Variants in CADPS observed in about 807,000 individuals in gnomAD.
CADPS encodes calcium-dependent secretion activator 1.
A neutral mutation model predicts 167.3 loss-of-function variants in CADPS; 57 were observed. The ratio of observed to expected loss-of-function variants is 0.34; its 90% CI spans 0.28 to 0.42. The LOEUF (loss-of-function observed/expected upper bound fraction) is 0.42. Among genes scored for constraint, CADPS ranks in the 20% least tolerant of loss-of-function variants. The probability of loss-of-function intolerance (pLI) is 1.00; values close to 1 mark genes in which losing one functional copy is unlikely to be tolerated. For synonymous variants in CADPS, 676 were observed against 635.3 expected (o/e 1.06, Z -0.96); for missense variants, 1,414 against 1,738.1 (o/e 0.81, Z 3.32).
intron 1 of CADPS, among the ~76,000 whole-genome samples, chr3:62,797,714 T>C (rs1334934565): frequency 6.6e-6 from 1 of 151,790 alleles, no homozygotes; most frequent in Admixed American, 6.6e-5. Context: ...AACTAACGGG[T>C]ACTAGGCTTC....
At chr3:62,737,880 C>T (rs1277206418) in intron 3 of CADPS, among the ~76,000 whole-genome samples, 1 of 152,156 alleles carries the variant, frequency 6.6e-6, no homozygotes, top group Non-Finnish European at 1.5e-5. Context: ...ATCTCAAATA[C>T]CACCATTATC....
chr3:62,591,771 CATG>C (rs1308955325), intron 7 of CADPS, among the ~76,000 whole-genome samples: 2 of 152,106 alleles, frequency 1.3e-5, no homozygotes, highest in Non-Finnish European at 2.9e-5. Flanking sequence ...CAGAAATTTT[CATG>C]ATGTTTTGAT....
intron 6 of CADPS, among the ~76,000 whole-genome samples, chr3:62,595,847 G>T (rs1311989243): frequency 2.0e-5 from 3 of 152,034 alleles, no homozygotes; most frequent in Non-Finnish European, 2.9e-5. Context: ...AATCTAAGCA[G>T]CTTCCAGCGA....
At chr3:62,564,129 G>A (rs2079679648) in intron 9 of CADPS, among the ~76,000 whole-genome samples, 1 of 151,986 alleles carries the variant, frequency 6.6e-6, no homozygotes, top group Non-Finnish European at 1.5e-5. Context: ...AGCCTCCCAA[G>A]TAGCTGGGAC....
chr3:62,586,911 G>A (rs760089274), intron 7 of CADPS, among the ~76,000 whole-genome samples: 21 of 152,220 alleles, frequency 1.4e-4, no homozygotes, highest in Non-Finnish European at 2.9e-4. Context: ...GCTAATTGTG[G>A]TGGCTGTGGT....
chr3:62,606,121 C>G (rs1287125739), intron 6 of CADPS, among the ~76,000 whole-genome samples: 1 of 152,166 alleles, frequency 6.6e-6, no homozygotes, highest in Non-Finnish European at 1.5e-5. Context: ...CAATGGGATT[C>G]ACACTCTCCT....
chr3:62,759,120 G>A (rs539935997), intron 2 of CADPS, among the ~76,000 whole-genome samples: 1 of 152,292 alleles, frequency 6.6e-6, no homozygotes, highest in South Asian at 2.1e-4. Context: ...GATGGGCCCT[G>A]GTATTAGAAC....
At chr3:62,732,831 A>T (rs757518335) in intron 3 of CADPS, among the ~76,000 whole-genome samples, 1 of 152,198 alleles carries the variant, frequency 6.6e-6, no homozygotes, top group Non-Finnish European at 1.5e-5. Flanking sequence ...ATACTCTGTC[A>T]GGCAGTCAGA....
chr3:62,475,671 T>C lies in CADPS; in HGVS notation c.3330-1351A>G, dbSNP rs188151397. Among the ~76,000 whole-genome samples, 546 of 145,132 alleles carry C rather than the reference T, an allele frequency of 3.8e-3. 4 individuals carry two copies. The highest frequency in any genetic ancestry group is 0.013 in the African/African-American group (519 of 38,904). ...ATATATTATATGATCATGTTAAAGA[T>C]AAATGTATCTTGGCTTCTGAAGATT... On this transcript the variant is annotated intron_variant, in intron 23 of 29. Transcript: ENST00000383710.
chr3:62,409,198 A>G lies in CADPS; in HGVS notation c.3778-6013T>C, dbSNP rs148958219. 3.6e-3 allele frequency among the ~76,000 whole-genome samples: 556 copies of G among 152,372 alleles called. 4 individuals are homozygous for G. Among genetic ancestry groups the G allele is most frequent in the African/African-American group, 0.013 (534 of 41,598 alleles). On this transcript the variant is annotated intron_variant, in intron 28 of 29. Coordinates refer to ENST00000383710, the MANE Select transcript of CADPS (RefSeq NM_003716.4). Reference sequence around the variant, plus strand: ...CACACAACTAGTAAGTGGTGGGACAAGTTTCAAGTTGGTTATTTACCACTA... The same window carrying G: ...CACACAACTAGTAAGTGGTGGGACAGGTTTCAAGTTGGTTATTTACCACTA...
chr3:62,791,012 A>G (rs1364341066), intron 1 of CADPS, among the ~76,000 whole-genome samples: 1 of 149,250 alleles, frequency 6.7e-6, no homozygotes, highest in Non-Finnish European at 1.5e-5. Context: ...AAAAAAAAAT[A>G]CGTATTTATC....
intron 1 of CADPS, among the ~76,000 whole-genome samples, chr3:62,840,607 A>G (rs2076517030): frequency 6.6e-6 from 1 of 152,158 alleles, no homozygotes; most frequent in African/African-American, 2.4e-5. Flanking sequence ...GTTTGGGCTT[A>G]AAATTGTGCA....
intron 26 of CADPS, among the ~76,000 whole-genome samples, chr3:62,450,599 C>T (rs1041945865): frequency 2.0e-5 from 3 of 152,174 alleles, no homozygotes; most frequent in Admixed American, 6.5e-5. Flanking sequence ...CATTCATGAA[C>T]CCTCTTGTCC....
Position 62,465,740 on chromosome 3 carries a change from C to T in CADPS, c.3553-290G>A, listed in dbSNP as rs1021821539. On this transcript the variant is annotated intron_variant, in intron 25 of 29. Transcript: ENST00000383710. The surrounding 1 kb of genome is among the most constrained non-coding windows in gnomAD (Gnocchi z 4.1). ...ATATAGCATGCGATAATATTAAATG[C>T]ACTTTTTAAAATCCAAAACTGCGCA... 6.6e-6 allele frequency among the ~76,000 whole-genome samples: 1 copy of T among 152,192 alleles called. No individual in the cohort carries two copies. Among genetic ancestry groups the T allele is most frequent in the African/African-American group, 2.4e-5 (1 of 41,438 alleles).
intron 1 of CADPS, among the ~76,000 whole-genome samples, chr3:62,852,599 A>C (rs1323391344): frequency 3.3e-5 from 5 of 151,298 alleles, no homozygotes; most frequent in African/African-American, 4.9e-5. Context: ...GACTTATCAA[A>C]AAAAGAAAAA....
intron 7 of CADPS, among the ~76,000 whole-genome samples, chr3:62,588,076 A>G (rs543425595): frequency 2.6e-5 from 4 of 152,294 alleles, no homozygotes; most frequent in Non-Finnish European, 5.9e-5. Flanking sequence ...CCCCTGAAGT[A>G]GCTGCACTCC....
chr3:62,754,144 C>A (rs2083331696), intron 2 of CADPS, among the ~76,000 whole-genome samples: 1 of 152,036 alleles, frequency 6.6e-6, no homozygotes, highest in African/African-American at 2.4e-5. Context: ...CTCAGTGTTT[C>A]CATTTATAAA....
intron 1 of CADPS, among the ~76,000 whole-genome samples, chr3:62,868,463 A>G (rs1479540520): frequency 6.6e-6 from 1 of 152,112 alleles, no homozygotes; most frequent in East Asian, 1.9e-4. Flanking sequence ...ACTCAGGCCC[A>G]GTGTTGTCAT....
At chr3:62,492,857 T>C (rs547637473) in intron 19 of CADPS, among the ~76,000 whole-genome samples, 2 of 152,212 alleles carry the variant, frequency 1.3e-5, no homozygotes, top group African/African-American at 2.4e-5. Flanking sequence ...ACTTGAAAAT[T>C]TGTAATTATT....
Sources: allele counts gnomAD v4.1 joint callset (sites outside exome capture counted in the v4.1 genomes callset), GRCh38; gene constraint gnomAD v4.1.1; non-coding constraint Gnocchi (gnomAD v3.1); transcripts MANE v1.5; gene names NCBI Gene and HGNC (gene_info 2026-07-23, HGNC 2026-07-21).